Variants in CAST observed in about 807,000 individuals in gnomAD.
CAST encodes the protein MIR583 host.
Under a neutral mutation model 119.6 loss-of-function variants are expected in CAST, and 76 were observed. That is an observed-to-expected ratio of 0.64 (90% CI 0.53 to 0.77). The LOEUF (loss-of-function observed/expected upper bound fraction) is 0.77, where lower values mean the gene tolerates loss of function less well. Ranked by LOEUF, CAST falls within the 30% of genes least tolerant of loss-of-function variation. CAST has a pLI of 0.00. For missense variants in CAST, 953 were observed against 946.5 expected (o/e 1.01, Z -0.09); for synonymous variants, 319 against 331.6 (o/e 0.96, Z 0.41).
chr5:96,680,155 C>A (rs1751181021), intron 2 of CAST, among the ~76,000 whole-genome samples: 2 of 150,908 alleles, frequency 1.3e-5, no homozygotes, highest in Admixed American at 1.3e-4. Flanking sequence ...TCAAGACCAG[C>A]CTGGCCGATA....
At chr5:96,455,836 T>G in the CAST span, among the ~76,000 whole-genome samples, 1 of 152,226 alleles carries the variant, frequency 6.6e-6, no homozygotes, top group Non-Finnish European at 1.5e-5. Flanking sequence ...TTGGAATTAT[T>G]TATGTGTTGA....
chr5:96,710,966 A>G (rs190426285), intron 3 of CAST, among the ~76,000 whole-genome samples: 4 of 152,192 alleles, frequency 2.6e-5, no homozygotes, highest in East Asian at 1.9e-4. Flanking sequence ...GTTGGTTTCA[A>G]TAATCTTTTA....
At chr5:96,168,336 GAGA>G in the CAST span, among the ~76,000 whole-genome samples, 1 of 152,204 alleles carries the variant, frequency 6.6e-6, no homozygotes, top group Admixed American at 6.5e-5. Flanking sequence ...AATTGGCCTT[GAGA>G]AGTGTTTTTA....
At chr5:96,628,549 A>T (rs1486333468) in intron 1 of CAST, among the ~76,000 whole-genome samples, 1 of 152,216 alleles carries the variant, frequency 6.6e-6, no homozygotes, top group Non-Finnish European at 1.5e-5. Context: ...TGACATAGTT[A>T]AAAGTATCTG....
the CAST span, among the ~76,000 whole-genome samples, chr5:96,344,658 G>T: frequency 6.6e-6 from 1 of 152,152 alleles, no homozygotes; most frequent in Non-Finnish European, 1.5e-5. Flanking sequence ...TTTTGCTTAA[G>T]TTTGTGGGGG....
the CAST span, among the ~76,000 whole-genome samples, chr5:96,116,687 A>C: frequency 6.6e-6 from 1 of 152,140 alleles, no homozygotes; most frequent in African/African-American, 2.4e-5. Flanking sequence ...CATCTTTCTT[A>C]GGCTTATTGT....
intron 14 of CAST, 56 bp from the exon 15 acceptor site, chr5:96,741,438 A>G: frequency 1.3e-6 from 2 of 1,485,614 alleles, no homozygotes; most frequent in Non-Finnish European, 1.9e-6. Flanking sequence ...AGTTCAGGCT[A>G]TTACAGTTAA....
chr5:96,518,521 A>G, the CAST span, among the ~76,000 whole-genome samples: 2 of 152,200 alleles, frequency 1.3e-5, no homozygotes, highest in Non-Finnish European at 2.9e-5. Context: ...ACCCATTTAC[A>G]ATAACACTGA....
intron 1 of CAST, among the ~76,000 whole-genome samples, chr5:96,669,808 G>A (rs183080818): frequency 2.3e-4 from 35 of 152,302 alleles, no homozygotes; most frequent in African/African-American, 6.0e-4. Flanking sequence ...GGAAACTTCC[G>A]CTTCCTATCA....
At chr5:96,755,664 T>C (rs1003465133) in intron 22 of CAST, among the ~76,000 whole-genome samples, 1 of 152,230 alleles carries the variant, frequency 6.6e-6, no homozygotes, top group Non-Finnish European at 1.5e-5. Context: ...GAAAATCAAA[T>C]TCATGCTTCT....
chr5:96,259,236 T>G, the CAST span, among the ~76,000 whole-genome samples: 1 of 152,228 alleles, frequency 6.6e-6, no homozygotes, highest in Admixed American at 6.5e-5. Context: ...AAGAACCAGT[T>G]AGAATGTCTG....
chr5:96,565,763 C>T (rs1485960915), intron 1 of CAST, among the ~76,000 whole-genome samples: 1 of 152,146 alleles, frequency 6.6e-6, no homozygotes, highest in African/African-American at 2.4e-5. Flanking sequence ...GCCATCTCCC[C>T]ATGAGATGTA....
intron 1 of CAST, among the ~76,000 whole-genome samples, chr5:96,590,832 A>C (rs13170728): frequency 0.43 from 65,262 of 152,082 alleles, 15,404 homozygotes; most frequent in East Asian, 0.66. Flanking sequence ...CCTGCTTTAA[A>C]AATGATTCGT....
chr5:96,224,086 A>G, the CAST span, among the ~76,000 whole-genome samples: 2 of 152,188 alleles, frequency 1.3e-5, no homozygotes, highest in Non-Finnish European at 2.9e-5. Context: ...GATATACATA[A>G]TGTTACCCAG....
At position 96,582,769 on chromosome 5, in the gene CAST, TA is replaced by T. The variant is rs200322073; in HGVS notation, c.60+52894del. On this transcript the variant is annotated intron_variant, in intron 1 of 11. Transcript: ENST00000505143. ...AAATAATTATTTTTAAAAAACTAAT[TA>T]AAAACCAGAAAACACATTCAATGGA... Among the ~76,000 whole-genome samples, 159 of 152,324 alleles carry T rather than the reference TA, an allele frequency of 1.0e-3. 1 individual carries two copies. In the East Asian group the frequency reaches 0.022, roughly 21 times the overall value.
chr5:96,620,107 T>G (rs999148204), intron 1 of CAST, among the ~76,000 whole-genome samples: 4 of 152,234 alleles, frequency 2.6e-5, no homozygotes, highest in African/African-American at 4.8e-5. Flanking sequence ...GCTGCTGTTA[T>G]GACCGGAAGG....
intron 1 of CAST, among the ~76,000 whole-genome samples, chr5:96,575,350 C>G (rs1276059095): frequency 6.6e-6 from 1 of 152,108 alleles, no homozygotes; most frequent in African/African-American, 2.4e-5. Flanking sequence ...CCTCTGCAAA[C>G]AGAAATAATT....
chr5:96,310,575 A>G, the CAST span, among the ~76,000 whole-genome samples: 1 of 80,786 alleles, frequency 1.2e-5, no homozygotes, highest in African/African-American at 3.2e-5. Flanking sequence ...TTTTTTTTTT[A>G]AATGGGAGAC....
At chr5:96,682,471 A>G (rs1020779533) in intron 2 of CAST, among the ~76,000 whole-genome samples, 11 of 152,188 alleles carry the variant, frequency 7.2e-5, no homozygotes, top group Non-Finnish European at 1.5e-4. Context: ...TGAAGGTAAT[A>G]CCATCTTGTT....
Sources: gnomAD v4.1 joint callset for allele counts (sites outside exome capture counted in the v4.1 genomes callset) on GRCh38, gnomAD v4.1.1 for gene constraint, MANE v1.5 for transcripts, NCBI Gene and HGNC (gene_info 2026-07-23, HGNC 2026-07-21) for gene names.